The following UNC5A variants were observed in gnomAD, a reference collection of about 807,000 sequenced individuals.
The protein encoded by UNC5A is netrin receptor UNC5A.
A neutral mutation model predicts 87.4 loss-of-function variants in UNC5A; 20 were observed. The ratio of observed to expected loss-of-function variants is 0.23; its 90% CI spans 0.16 to 0.33. UNC5A has a LOEUF of 0.33. UNC5A is among the 10% of genes least tolerant of loss of function. UNC5A has a pLI of 1.00. For missense variants in UNC5A, 844 were observed against 1,133.4 expected, an observed-to-expected ratio of 0.74 and a Z score of 3.67; for synonymous variants, 438 against 482.3, an observed-to-expected ratio of 0.91 and a Z score of 1.20.
Position 176,865,430 on chromosome 5 carries a change from C to T in UNC5A, c.292+2585C>T, listed in dbSNP as rs918787895. 2.8e-6 allele frequency: 1 copy of T among 363,212 alleles called. No individual in the cohort carries two copies. The highest frequency in any genetic ancestry group is 5.5e-6 in the Non-Finnish European group (1 of 182,812). The allele number at this position is 363,212 out of a possible 1,614,324, so 22.5% of individuals were successfully genotyped here. A position where few individuals can be genotyped will look rare whatever the true frequency, so the allele number is the denominator to read the frequency against. On this transcript the variant is annotated intron_variant, in intron 2 of 14. Transcript: ENST00000329542. This position sits in a 1 kb window ranked among gnomAD's most constrained non-coding sequence, Gnocchi z 5.3. ...CACCGGGAGCCCCTGGCCCACACTCCCCAGCCGGCTCCTGTGGCCCTGTTC... is the reference window on the plus strand; with the variant it reads ...CACCGGGAGCCCCTGGCCCACACTCTCCAGCCGGCTCCTGTGGCCCTGTTC...
chr5:176,821,403 A>G (rs1253886382), intron 1 of UNC5A, among the ~76,000 whole-genome samples: 1 of 152,092 alleles, frequency 6.6e-6, no homozygotes, highest in Non-Finnish European at 1.5e-5. Flanking sequence ...TCCATTTTTG[A>G]GACCCACTTG....
At chr5:176,849,562 G>T (rs1460131630) in intron 1 of UNC5A, among the ~76,000 whole-genome samples, 1 of 152,172 alleles carries the variant, frequency 6.6e-6, no homozygotes, top group Non-Finnish European at 1.5e-5. Context: ...TCCAGCCTGG[G>T]CAACTGCGTC....
intron 1 of UNC5A, among the ~76,000 whole-genome samples, chr5:176,853,409 C>T (rs994855249): frequency 3.9e-5 from 6 of 152,122 alleles, no homozygotes; most frequent in African/African-American, 1.4e-4. Flanking sequence ...GGAGCGGTGC[C>T]GCCCCCGCCC....
chr5:176,869,532 C>T lies in UNC5A; in HGVS notation c.721+568C>T, dbSNP rs1758058484. ...CACCCGTGTCCAGCTCACAGCCCCT[C>T]TGCCCTCACGCCCCGTCCCCTGGGC... On this transcript the variant is annotated intron_variant, in intron 5 of 14. Coordinates refer to ENST00000329542, the MANE Select transcript of UNC5A (RefSeq NM_133369.3). The surrounding 1 kb of genome is among the most constrained non-coding windows in gnomAD (Gnocchi z 9.1). The T allele has an allele frequency of 4.7e-6, 3 of 643,018 alleles. No individual in the cohort carries two copies. The East Asian group carries it at 8.3e-5, about 18-fold the overall frequency. 39.8% of individuals were successfully genotyped at this position (643,018 alleles called of 1,614,324 possible).
intron 1 of UNC5A, among the ~76,000 whole-genome samples, chr5:176,840,146 C>T (rs549460183): frequency 3.3e-5 from 5 of 152,180 alleles, no homozygotes; most frequent in African/African-American, 4.8e-5. Flanking sequence ...CGTGAGCCAC[C>T]GCGCCTGGCC....
intron 5 of UNC5A, 33 bp from the exon 6 acceptor site, chr5:176,870,337 G>T (rs200071473): frequency 1.1e-5 from 17 of 1,605,358 alleles, no homozygotes; most frequent in African/African-American, 4.0e-5. Context: ...CAGGCTGACC[G>T]CACCGTCTCC....
intron 4 of UNC5A, 22 bp from the exon 5 acceptor site, chr5:176,868,762 A>AT: frequency 6.3e-7 from 1 of 1,589,728 alleles, no homozygotes; most frequent in East Asian, 2.3e-5. Flanking sequence ...CTGGCAGTAC[A>AT]TGGCAGGGCT....
In UNC5A at chr5:176,848,444, C is replaced by T. The variant is rs567061259; in HGVS notation, c.71-14180C>T. ...TTAAAGGGGCAGGAAAGATAATGAA[C>T]AAATGAGGAAAACATGAAATCAATA... On this transcript the variant is annotated intron_variant, in intron 1 of 14. Coordinates refer to ENST00000329542, the MANE Select transcript of UNC5A (RefSeq NM_133369.3). The surrounding 1 kb of genome is among the most constrained non-coding windows in gnomAD (Gnocchi z 5.8). Among the ~76,000 whole-genome samples, 9 of 152,262 alleles carry T rather than the reference C, an allele frequency of 5.9e-5. No individual in the cohort carries two copies. The South Asian group carries it at 1.7e-3, about 28-fold the overall frequency.
chr5:176,855,439 C>G (rs1713651143), intron 1 of UNC5A, among the ~76,000 whole-genome samples: 1 of 152,244 alleles, frequency 6.6e-6, no homozygotes, highest in African/African-American at 2.4e-5. Flanking sequence ...GTGCCCACCT[C>G]TGGGTCCACA....
At chr5:176,860,306 A>C (rs1365879300) in intron 1 of UNC5A, among the ~76,000 whole-genome samples, 1 of 152,214 alleles carries the variant, frequency 6.6e-6, no homozygotes. Flanking sequence ...GTCCTCCCAA[A>C]TGCTGCAGCT....
Position 176,869,462 on chromosome 5 carries a change from G to A in UNC5A, c.721+498G>A, listed in dbSNP as rs557047213. ...GCAGGGCCCGGGGGCCAGCAGGCAC[G>A]AGCATGGCCTCCCCCAGGCCTTCTC... On this transcript the variant is annotated intron_variant, in intron 5 of 14. Coordinates refer to ENST00000329542, the MANE Select transcript of UNC5A (RefSeq NM_133369.3). This position sits in a 1 kb window ranked among gnomAD's most constrained non-coding sequence, Gnocchi z 9.1. Among the ~76,000 whole-genome samples, 3 of 152,220 alleles carry A rather than the reference G, an allele frequency of 2.0e-5. No homozygotes were observed. The highest frequency in any genetic ancestry group is 2.1e-4 in the South Asian group (1 of 4,832).
chr5:176,830,396 GGTGT>G (rs887117672), intron 1 of UNC5A, among the ~76,000 whole-genome samples: 2 of 149,598 alleles, frequency 1.3e-5, no homozygotes, highest in African/African-American at 2.4e-5. Context: ...TGTGTGTGCT[GGTGT>G]GTGTGTGCCA....
chr5:176,877,053 G>A (rs1758278579), intron 8 of UNC5A, 139 bp from the exon 9 acceptor site: 4 of 667,092 alleles, frequency 6.0e-6, no homozygotes, highest in Admixed American at 5.8e-5. Flanking sequence ...GGTCAGCACG[G>A]CAGTCTTTGA....
Position 176,877,890 on chromosome 5 carries a change from A to G in UNC5A, c.1636-4A>G. The G allele has an allele frequency of 6.3e-7, 1 of 1,597,582 alleles. No homozygotes were observed. On this transcript the variant is annotated splice_polypyrimidine_tract_variant and splice_region_variant and intron_variant, in intron 10 of 14. Transcript: ENST00000329542. ...CGAATTGACCCACTGACCCCTGCCCACAGGATGTGCTGCACCTGGGCGAGG... is the reference window on the plus strand; with the variant it reads ...CGAATTGACCCACTGACCCCTGCCCGCAGGATGTGCTGCACCTGGGCGAGG...
intron 1 of UNC5A, among the ~76,000 whole-genome samples, chr5:176,832,902 A>G (rs1437899399): frequency 6.6e-6 from 1 of 152,196 alleles, no homozygotes; most frequent in Non-Finnish European, 1.5e-5. Flanking sequence ...TGACAGGCAG[A>G]GGTGGAGGCA....
intron 1 of UNC5A, among the ~76,000 whole-genome samples, chr5:176,858,223 C>T (rs58223139): frequency 0.064 from 9,698 of 152,236 alleles, 1,023 homozygotes; most frequent in African/African-American, 0.22. Context: ...CCAGCACCAG[C>T]GAGGACAGGC....
At chr5:176,851,304 C>T (rs1468475287) in intron 1 of UNC5A, among the ~76,000 whole-genome samples, 2 of 152,196 alleles carry the variant, frequency 1.3e-5, no homozygotes, top group African/African-American at 2.4e-5. Context: ...GGTGCCGTGA[C>T]GGCTGTGGTT....
intron 1 of UNC5A, among the ~76,000 whole-genome samples, chr5:176,853,137 C>G (rs1157974164): frequency 6.6e-6 from 1 of 152,240 alleles, no homozygotes; most frequent in African/African-American, 2.4e-5. Flanking sequence ...TGCAAAGGCC[C>G]TGCAGTGGGG....
rs750143143 is a variant in UNC5A, at chr5:176,838,623, G to A, written c.71-24001G>A. Among the ~76,000 whole-genome samples, 1 of 152,252 alleles carries A rather than the reference G, an allele frequency of 6.6e-6. No homozygotes were observed. The highest frequency in any genetic ancestry group is 2.4e-5 in the African/African-American group (1 of 41,470). ...CTGGAGCTACCCTGCTCGCTGTTCT[G>A]CTCTGTCTTCCCTGGTGTTGGCCAT... is the stretch of plus-strand genomic sequence containing the variant. On this transcript the variant is annotated intron_variant, in intron 1 of 14. Coordinates refer to ENST00000329542, the MANE Select transcript of UNC5A (RefSeq NM_133369.3). The surrounding 1 kb of genome is among the most constrained non-coding windows in gnomAD (Gnocchi z 4.2).
Sources: gnomAD v4.1 joint callset for allele counts (sites outside exome capture counted in the v4.1 genomes callset) on GRCh38, gnomAD v4.1.1 for gene constraint, Gnocchi (gnomAD v3.1) non-coding constraint, MANE v1.5 for transcripts, NCBI Gene and HGNC (gene_info 2026-07-23, HGNC 2026-07-21) for gene names.